Variants in MIER2 observed in about 807,000 individuals in gnomAD.
The protein encoded by MIER2 is mesoderm induction early response protein 2.
Under a neutral mutation model 67.6 loss-of-function variants are expected in MIER2, and 30 were observed. The ratio of observed to expected loss-of-function variants is 0.44; its 90% CI spans 0.33 to 0.60. MIER2 has a LOEUF of 0.60. MIER2 is among the 20% of genes least tolerant of loss of function. The pLI is 0.02. For synonymous variants in MIER2, 372 were observed against 312.6 expected, an observed-to-expected ratio of 1.19 and a Z score of -2.00; for missense variants, 702 against 745.1, an observed-to-expected ratio of 0.94 and a Z score of 0.67.
At position 308,747 on chromosome 19, in the gene MIER2, C is replaced by T. The variant is rs1179309168; in HGVS notation, c.1109+54G>A. ...AGGTGCCGCCCAGGCGCCCACGTGC[C>T]CACCCCCGGCGGGGTGGCCGCCTGT... On this transcript the variant is annotated intron_variant, in intron 11 of 13. Transcript: ENST00000264819. This position sits in a 1 kb window ranked among gnomAD's most constrained non-coding sequence, Gnocchi z 9.1. 6.3e-7 allele frequency: 1 copy of T among 1,593,454 alleles called. No individual in the cohort carries two copies. The highest frequency in any genetic ancestry group is 8.6e-7 in the Non-Finnish European group (1 of 1,165,822).
At chr19:317,272 A>C (rs937140123) in intron 7 of MIER2, among the ~76,000 whole-genome samples, 21 of 152,188 alleles carry the variant, frequency 1.4e-4, no homozygotes, top group South Asian at 1.0e-3. Context: ...GGGCACCTGT[A>C]ATCCCAGCAC....
At chr19:325,799 G>C (rs1971712940) in intron 6 of MIER2, 95 bp from the exon 7 acceptor site, 1 of 1,385,278 alleles carries the variant, frequency 7.2e-7, no homozygotes, top group African/African-American at 1.4e-5. Flanking sequence ...TACGGGGAGG[G>C]GCCACTGTCC....
chr19:336,729 A>T (rs10406300), intron 1 of MIER2, among the ~76,000 whole-genome samples: 9 of 152,216 alleles, frequency 5.9e-5, no homozygotes, highest in Non-Finnish European at 1.3e-4. Flanking sequence ...AATACACTAA[A>T]AATCAATGAA....
intron 7 of MIER2, among the ~76,000 whole-genome samples, chr19:321,522 G>A (rs572759428): frequency 6.6e-6 from 1 of 152,016 alleles, no homozygotes; most frequent in Non-Finnish European, 1.5e-5. Flanking sequence ...GCGGGTGCCT[G>A]TACTCCCAGT....
At chr19:325,151 C>T (rs981167071) in intron 7 of MIER2, among the ~76,000 whole-genome samples, 10 of 152,226 alleles carry the variant, frequency 6.6e-5, no homozygotes, top group Admixed American at 4.6e-4. Context: ...CTCCACGCCT[C>T]AAAGGGGCAA....
At chr19:317,833 A>G (rs1971323295) in intron 7 of MIER2, among the ~76,000 whole-genome samples, 1 of 152,186 alleles carries the variant, frequency 6.6e-6, no homozygotes, top group South Asian at 2.1e-4. Context: ...TTATAATTAC[A>G]TGACATACAA....
intron 7 of MIER2, among the ~76,000 whole-genome samples, chr19:320,964 T>C (rs942845837): frequency 2.0e-5 from 3 of 152,108 alleles, no homozygotes; most frequent in Non-Finnish European, 4.4e-5. Flanking sequence ...GCACTACATT[T>C]AGGGGCCACT....
At chr19:324,086 A>C (rs1208476468) in intron 7 of MIER2, among the ~76,000 whole-genome samples, 1 of 128,202 alleles carries the variant, frequency 7.8e-6, no homozygotes, top group African/African-American at 3.3e-5. Flanking sequence ...CACGCAGACG[A>C]CTCAAAGGAC....
At chr19:332,364 C>G (rs937909291) in intron 3 of MIER2, among the ~76,000 whole-genome samples, 17 of 151,964 alleles carry the variant, frequency 1.1e-4, no homozygotes, top group African/African-American at 4.1e-4. Flanking sequence ...GTGCAATGGC[C>G]TGATCTCGGC....
chr19:320,703 G>A (rs927347031), intron 7 of MIER2, among the ~76,000 whole-genome samples: 1 of 152,178 alleles, frequency 6.6e-6, no homozygotes, highest in Non-Finnish European at 1.5e-5. Flanking sequence ...GATGATCTGA[G>A]GTGGAACGGT....
At position 307,514 on chromosome 19, in the gene MIER2, C is replaced by G; in HGVS notation, c.1221G>C (p.Thr407=). ...CTCCGGGCTCATCGAGACCACCGGC[C>G]GTGCCATCCACGCTCAGTGGATCTG... ...MRTDPLSVDG[T]AGGLDEPGVA... Residue 407 remains threonine, a synonymous_variant, in exon 13 of 14, where the codon ACG becomes ACC. Coordinates refer to ENST00000264819, the MANE Select transcript of MIER2 (RefSeq NM_017550.3). The G allele has an allele frequency of 6.6e-7, 1 of 1,513,364 alleles. No homozygotes were observed. Among genetic ancestry groups the G allele is most frequent in the Non-Finnish European group, 8.8e-7 (1 of 1,136,460 alleles). 93.7% of individuals were successfully genotyped at this position (1,513,364 alleles called of 1,614,324 possible).
chr19:328,363 T>G (rs1971862612), intron 3 of MIER2, among the ~76,000 whole-genome samples: 1 of 150,480 alleles, frequency 6.6e-6, no homozygotes, highest in African/African-American at 2.5e-5. Context: ...ATCAATATAT[T>G]AAAGGGGAAA....
chr19:322,563 T>C (rs1022137840), intron 7 of MIER2, among the ~76,000 whole-genome samples: 15 of 152,034 alleles, frequency 9.9e-5, no homozygotes, highest in South Asian at 6.3e-4. Context: ...AATATCCAAA[T>C]GGCCAGTACA....
chr19:327,138 C>G lies in MIER2; in HGVS notation c.488G>C (p.Ser163Thr), dbSNP rs775204221. The stretch of plus-strand genomic sequence containing the variant: ...ATGGGGACAGAGTCACCTACATCCA[C>G]TCCGGTTAGGGAAGAGGTCGGAGGC... ...HEASDLFPNR[S>T]GSRFLADEDR... Residue 163 changes from serine (S) to threonine (T), a missense_variant, in exon 5 of 14, where the codon AGT becomes ACT. Ser to Thr is a moderately conservative substitution (Grantham distance 58). This residue lies in a region of MIER2 where 320 missense variants were observed against 292.6 expected (regional missense o/e 1.09). Transcript: ENST00000264819. 1.3e-6 allele frequency: 2 copies of G among 1,582,400 alleles called. No homozygotes were observed. Among genetic ancestry groups the G allele is most frequent in the Non-Finnish European group, 1.7e-6 (2 of 1,171,238 alleles).
intron 7 of MIER2, among the ~76,000 whole-genome samples, chr19:317,066 C>A (rs1971265948): frequency 6.6e-6 from 1 of 152,140 alleles, no homozygotes; most frequent in Non-Finnish European, 1.5e-5. Context: ...ACAAAATAAA[C>A]CTATTAATCC....
intron 1 of MIER2, among the ~76,000 whole-genome samples, chr19:341,513 G>A (rs189744496): frequency 6.6e-6 from 1 of 152,236 alleles, no homozygotes; most frequent in Non-Finnish European, 1.5e-5. Context: ...TCATTTCCAG[G>A]CGACTCTGAG....
intron 7 of MIER2, among the ~76,000 whole-genome samples, chr19:318,889 T>C (rs1971374996): frequency 6.6e-6 from 1 of 151,858 alleles, no homozygotes; most frequent in African/African-American, 2.4e-5. Flanking sequence ...ACCCCGTCTC[T>C]ACTAAAAAAT....
Position 344,571 on chromosome 19 carries a change from T to TTGGGGGG in MIER2, c.9+196_9+202dup, listed in dbSNP as rs1352101739. The stretch of plus-strand genomic sequence containing the variant: ...GCCCGCGATGTGGCAGCCGGGGGAG[T>TTGGGGGG]TGGGGGGTGGGGGCCGGCCGGGGGC... On this transcript the variant is annotated intron_variant, in intron 1 of 13. Coordinates refer to ENST00000264819, the MANE Select transcript of MIER2 (RefSeq NM_017550.3). 2.1e-4 allele frequency: 33 copies of TTGGGGGG among 155,492 alleles called. 1 individual carries two copies. The East Asian group carries it at 6.0e-3, about 28-fold the overall frequency. The allele number at this position is 155,492 out of a possible 1,614,324, so 9.6% of individuals were successfully genotyped here.
At chr19:342,756 G>A (rs906354051) in intron 1 of MIER2, among the ~76,000 whole-genome samples, 5 of 151,770 alleles carry the variant, frequency 3.3e-5, no homozygotes, top group African/African-American at 1.2e-4. Context: ...AAAAACAGTG[G>A]AATATCGTCA....
Sources: gnomAD v4.1 joint callset for allele counts (sites outside exome capture counted in the v4.1 genomes callset) on GRCh38, gnomAD v4.1.1 for gene constraint, gnomAD v4.1.1 regional missense constraint, Gnocchi (gnomAD v3.1) non-coding constraint, MANE v1.5 for transcripts, NCBI Gene and HGNC (gene_info 2026-07-23, HGNC 2026-07-21) for gene names.